Variants in TENM3 observed in about 807,000 individuals in gnomAD.
TENM3 encodes teneurin-3.
Under a neutral mutation model 255.1 loss-of-function variants are expected in TENM3, and 63 were observed. That is an observed-to-expected ratio of 0.25 (90% CI 0.20 to 0.30). TENM3 has a LOEUF of 0.30. Among genes scored for constraint, TENM3 ranks in the 10% least tolerant of loss-of-function variants. The pLI, the probability that TENM3 is intolerant of heterozygous loss-of-function variation, is 1.00. For synonymous variants in TENM3, 1,306 were observed against 1,322.3 expected, an observed-to-expected ratio of 0.99 and a Z score of 0.27; for missense variants, 2,929 against 3,461.1, an observed-to-expected ratio of 0.85 and a Z score of 3.86.
the TENM3 span, among the ~76,000 whole-genome samples, chr4:181,526,258 GA>G: frequency 1.4e-5 from 2 of 140,412 alleles, no homozygotes; most frequent in African/African-American, 5.2e-5. Flanking sequence ...TTTAACAAAA[GA>G]ATCCAAATTA....
the TENM3 span, among the ~76,000 whole-genome samples, chr4:181,949,746 C>A: frequency 7.2e-5 from 11 of 152,276 alleles, no homozygotes; most frequent in Admixed American, 2.6e-4. Flanking sequence ...CCTGCCCTCA[C>A]CCACACCCTC....
intron 6 of TENM3, among the ~76,000 whole-genome samples, chr4:182,663,252 T>A (rs1754374029): frequency 1.3e-5 from 2 of 152,218 alleles, no homozygotes; most frequent in Admixed American, 1.3e-4. Flanking sequence ...CTTCAAACTA[T>A]TTTGTTTTTG....
At chr4:181,853,265 A>G in the TENM3 span, among the ~76,000 whole-genome samples, 1 of 152,232 alleles carries the variant, frequency 6.6e-6, no homozygotes, top group Non-Finnish European at 1.5e-5. Flanking sequence ...GGATACATAG[A>G]GTTTTAAAAA....
intron 19 of TENM3, 96 bp downstream of exon 19, chr4:182,743,515 T>G (rs547038964): frequency 7.2e-7 from 1 of 1,386,658 alleles, no homozygotes; most frequent in East Asian, 2.3e-5. Context: ...CATAGAAAAA[T>G]ACCATCCTAA....
intron 24 of TENM3, among the ~76,000 whole-genome samples, chr4:182,788,049 TTG>T (rs201250055): frequency 1.3e-5 from 2 of 152,038 alleles, no homozygotes; most frequent in Admixed American, 6.6e-5. Context: ...ACGTGAGTGG[TTG>T]TGTGTGTGTG....
At chr4:181,797,746 T>A in the TENM3 span, among the ~76,000 whole-genome samples, 1 of 152,206 alleles carries the variant, frequency 6.6e-6, no homozygotes, top group Admixed American at 6.5e-5. Context: ...AAAAACTGGA[T>A]GAAAATACGT....
At chr4:181,522,294 T>A in the TENM3 span, among the ~76,000 whole-genome samples, 4 of 152,098 alleles carry the variant, frequency 2.6e-5, no homozygotes, top group African/African-American at 7.2e-5. Context: ...CTGAAGACAT[T>A]TTGTGCTTGT....
the TENM3 span, among the ~76,000 whole-genome samples, chr4:181,674,414 T>C: frequency 1.8e-5 from 2 of 109,128 alleles, no homozygotes; most frequent in East Asian, 4.9e-4. Flanking sequence ...ACATGGTCTA[T>C]GAAAAAAAAA....
the TENM3 span, among the ~76,000 whole-genome samples, chr4:182,103,381 T>A: frequency 6.6e-6 from 1 of 152,252 alleles, no homozygotes; most frequent in Admixed American, 6.5e-5. Flanking sequence ...ATCTTAATAA[T>A]TAAGTTCAGA....
chr4:181,580,160 G>A, the TENM3 span, among the ~76,000 whole-genome samples: 1 of 151,896 alleles, frequency 6.6e-6, no homozygotes, highest in Non-Finnish European at 1.5e-5. Context: ...ACCATGCCTG[G>A]CTAATTTTTG....
chr4:181,814,853 A>G, the TENM3 span, among the ~76,000 whole-genome samples: 3 of 152,292 alleles, frequency 2.0e-5, no homozygotes, highest in East Asian at 5.8e-4. Context: ...AACTTAATAT[A>G]TAAAGAACCA....
chr4:181,975,248 G>A, the TENM3 span: 2 of 147,576 alleles, frequency 1.4e-5, no homozygotes, highest in Non-Finnish European at 3.0e-5. Flanking sequence ...AGCTATTCTC[G>A]TGCCTCAGCC....
the TENM3 span, among the ~76,000 whole-genome samples, chr4:181,737,120 A>G: frequency 6.6e-6 from 1 of 152,158 alleles, no homozygotes; most frequent in Non-Finnish European, 1.5e-5. Flanking sequence ...GTTCTCTTCC[A>G]TGGAACACCA....
At chr4:182,118,454 TA>T in the TENM3 span, among the ~76,000 whole-genome samples, 3 of 152,058 alleles carry the variant, frequency 2.0e-5, no homozygotes, top group Non-Finnish European at 2.9e-5. Context: ...ATTTTTTATT[TA>T]TTTTTTTAGA....
At chr4:181,656,371 A>T in the TENM3 span, among the ~76,000 whole-genome samples, 5 of 152,356 alleles carry the variant, frequency 3.3e-5, no homozygotes, top group Non-Finnish European at 7.3e-5. Context: ...CAAGAGAGTA[A>T]CATGAAGATA....
At chr4:182,392,227 T>C (rs888194928) in intron 3 of TENM3, among the ~76,000 whole-genome samples, 1 of 152,198 alleles carries the variant, frequency 6.6e-6, no homozygotes, top group African/African-American at 2.4e-5. Context: ...AGCCACCTGC[T>C]CTACCGTACG....
At chr4:182,565,141 G>A (rs533346278) in intron 3 of TENM3, among the ~76,000 whole-genome samples, 11 of 152,284 alleles carry the variant, frequency 7.2e-5, no homozygotes, top group African/African-American at 2.6e-4. Context: ...AGTTTATAAA[G>A]TACACGTCTT....
At chr4:182,188,723 G>A (rs1753325260) in intron 1 of TENM3, among the ~76,000 whole-genome samples, 1 of 152,110 alleles carries the variant, frequency 6.6e-6, no homozygotes, top group Admixed American at 6.5e-5. Flanking sequence ...TTGCAGAAGG[G>A]AAGCATGATA....
At chr4:182,653,023 T>A (rs1244212849) in intron 5 of TENM3, among the ~76,000 whole-genome samples, 1 of 152,164 alleles carries the variant, frequency 6.6e-6, no homozygotes, top group South Asian at 2.1e-4. Context: ...TTAAAACTTA[T>A]GTTTATAGTT....
Sources: allele counts gnomAD v4.1 joint callset (sites outside exome capture counted in the v4.1 genomes callset), GRCh38; gene constraint gnomAD v4.1.1; transcripts MANE v1.5; gene names NCBI Gene and HGNC (gene_info 2026-07-23, HGNC 2026-07-21).